The following LTV1 variants were observed in gnomAD, a reference collection of about 807,000 sequenced individuals.
LTV1 encodes protein LTV1 homolog.
Under a neutral mutation model 59.9 loss-of-function variants are expected in LTV1, and 39 were observed. The observed-to-expected ratio is 0.65, with a 90% CI of 0.50 to 0.85. The LOEUF is 0.85. Among genes scored for constraint, LTV1 ranks in the 40% least tolerant of loss-of-function variants. The probability of loss-of-function intolerance (pLI) is 0.00; values close to 1 mark genes in which losing one functional copy is unlikely to be tolerated. For missense variants in LTV1, 493 were observed against 549.1 expected, an observed-to-expected ratio of 0.90 and a Z score of 1.02; for synonymous variants, 171 against 189.5, an observed-to-expected ratio of 0.90 and a Z score of 0.80.
rs753858250 is a variant in LTV1, at chr6:143,858,002, G to C, written c.790G>C (p.Glu264Gln). ...EQLTLHDERF[E>Q]KFYEQYDDDE... ...GCTGACCCTACATGATGAGAGGTTT[G>C]AGAAGGTAAGGTCCCCACATAAGGG... The change falls in exon 6 of 11, where the codon GAG (glutamate) becomes CAG (glutamine). Residue 264 changes from glutamate (E) to glutamine (Q), a missense_variant. By Grantham distance (29) the Glu-to-Gln change is conservative. Coordinates refer to ENST00000367576, the MANE Select transcript of LTV1 (RefSeq NM_032860.5). The C allele has an allele frequency of 3.1e-6, 5 of 1,613,852 alleles. No individual in the cohort carries two copies. Among genetic ancestry groups the C allele is most frequent in the Non-Finnish European group, 4.2e-6 (5 of 1,180,006 alleles).
At chr6:143,859,794 A>G (rs186569489) in intron 6 of LTV1, among the ~76,000 whole-genome samples, 91 of 152,362 alleles carry the variant, frequency 6.0e-4, no homozygotes, top group Non-Finnish European at 1.1e-3. Flanking sequence ...TTTAGTTTGC[A>G]TAACTAAGGA....
At chr6:143,844,447 T>C in intron 1 of LTV1, 39 bp from the exon 2 acceptor site, 1 of 1,606,090 alleles carries the variant, frequency 6.2e-7, no homozygotes, top group South Asian at 1.1e-5. Flanking sequence ...GTCTTTTTGT[T>C]CTGTTTTAAT....
Position 143,857,577 on chromosome 6 carries a change from A to G in LTV1, c.539+133A>G, listed in dbSNP as rs1777098024. On this transcript the variant is annotated intron_variant, in intron 5 of 10. Transcript: ENST00000367576. The surrounding 1 kb of genome is among the most constrained non-coding windows in gnomAD (Gnocchi z 5.2). ...ATCTGAGACTTCTGTATTTTAGAGC[A>G]GAAAATGTGAGATTCATTGCTTTTC... 9.2e-7 allele frequency: 1 copy of G among 1,083,098 alleles called. No individual in the cohort carries two copies. Among genetic ancestry groups the G allele is most frequent in the Admixed American group, 2.2e-5 (1 of 46,402 alleles). 67.1% of individuals were successfully genotyped at this position (1,083,098 alleles called of 1,614,324 possible). A position where few individuals can be genotyped will look rare whatever the true frequency, so the allele number is the denominator to read the frequency against.
chr6:143,855,519 A>G lies in LTV1; in HGVS notation c.398-1784A>G, dbSNP rs888750996. Among the ~76,000 whole-genome samples the G allele has an allele frequency of 6.6e-6, 1 of 152,144 alleles. No homozygotes were observed. The highest frequency in any genetic ancestry group is 1.5e-5 in the Non-Finnish European group (1 of 68,046). On this transcript the variant is annotated intron_variant, in intron 4 of 10. Coordinates refer to ENST00000367576, the MANE Select transcript of LTV1 (RefSeq NM_032860.5). This position sits in a 1 kb window ranked among gnomAD's most constrained non-coding sequence, Gnocchi z 4.6. ...AGCTGGTTATTTTGCCCATTAGTTT[A>G]TGCAGTTTCTTCTTAGTATCGATGG... is the stretch of plus-strand genomic sequence containing the variant.
At position 143,855,955 on chromosome 6, in the gene LTV1, T is replaced by TGTTCTCTATG. The variant is rs1777069218; in HGVS notation, c.398-1348_398-1347insGTTCTCTATG. On this transcript the variant is annotated intron_variant, in intron 4 of 10. Coordinates refer to ENST00000367576, the MANE Select transcript of LTV1 (RefSeq NM_032860.5). This position sits in a 1 kb window ranked among gnomAD's most constrained non-coding sequence, Gnocchi z 4.6. ...CTCTTCTCGAGGAGTATCTTTGTGGTTCCTGAATTTGAATGTTGGCCTCTC... is the reference window on the plus strand; with the variant it reads ...CTCTTCTCGAGGAGTATCTTTGTGGTGTTCTCTATGTCCTGAATTTGAATGTTGGCCTCTC... Among the ~76,000 whole-genome samples, 1 of 71,636 alleles carries TGTTCTCTATG rather than the reference T, an allele frequency of 1.4e-5. No individual in the cohort carries two copies. The highest frequency in any genetic ancestry group is 2.6e-5 in the Non-Finnish European group (1 of 37,930). 47.0% of individuals were successfully genotyped at this position (71,636 alleles called of 152,430 possible).
chr6:143,854,157 T>G (rs1300128879), intron 4 of LTV1, among the ~76,000 whole-genome samples: 1 of 152,212 alleles, frequency 6.6e-6, no homozygotes, highest in African/African-American at 2.4e-5. Flanking sequence ...GGGATTCCAC[T>G]TCCTCCTGAT....
intron 4 of LTV1, among the ~76,000 whole-genome samples, chr6:143,854,112 T>A (rs112366791): frequency 0.051 from 7,799 of 152,292 alleles, 212 homozygotes; most frequent in South Asian, 0.094. Context: ...AGGCTATTGC[T>A]GCCTCTATTT....
At chr6:143,849,491 T>G (rs1041938208) in intron 3 of LTV1, among the ~76,000 whole-genome samples, 2 of 152,216 alleles carry the variant, frequency 1.3e-5, no homozygotes, top group African/African-American at 2.4e-5. Context: ...GTTTTTGTTC[T>G]TTTGGTAAAA....
rs767463415 is a variant in LTV1, at chr6:143,863,450, G to C, written c.1351G>C (p.Ala451Pro). 1 of 1,613,748 alleles carries C rather than the reference G, an allele frequency of 6.2e-7. No individual in the cohort carries two copies. Among genetic ancestry groups the C allele is most frequent in the South Asian group, 1.1e-5 (1 of 91,072 alleles). ...RRVEKKANKL[A>P]FKLEKRRQEK... The stretch of plus-strand genomic sequence containing the variant: ...AGTGGAGAAGAAAGCTAACAAATTA[G>C]CATTTAAACTGGAGAAAAGAAGGCA... The change falls in exon 11 of 11, where the codon GCA (alanine) becomes CCA (proline). Residue 451 changes from alanine (A) to proline (P), a missense_variant. Ala to Pro is a conservative substitution (Grantham distance 27). Coordinates refer to ENST00000367576, the MANE Select transcript of LTV1 (RefSeq NM_032860.5). The surrounding 1 kb of genome is among the most constrained non-coding windows in gnomAD (Gnocchi z 4.5).
At chr6:143,852,036 G>T (rs531326043) in intron 4 of LTV1, among the ~76,000 whole-genome samples, 1 of 152,108 alleles carries the variant, frequency 6.6e-6, no homozygotes. Context: ...ATAAACCTAC[G>T]TGTGCATGTG....
At chr6:143,844,410 C>T in intron 1 of LTV1, 76 bp from the exon 2 acceptor site, 2 of 1,468,076 alleles carry the variant, frequency 1.4e-6, no homozygotes, top group South Asian at 1.2e-5. Flanking sequence ...ACTAAAGATG[C>T]ATGTGTGGAC....
intron 4 of LTV1, among the ~76,000 whole-genome samples, chr6:143,851,239 C>T (rs912819399): frequency 1.4e-4 from 22 of 152,146 alleles, no homozygotes; most frequent in African/African-American, 4.8e-4. Context: ...GAAAGTTTTT[C>T]ATGAACTTGA....
chr6:143,852,806 T>A (rs1180573164), intron 4 of LTV1, among the ~76,000 whole-genome samples: 1 of 152,158 alleles, frequency 6.6e-6, no homozygotes, highest in Non-Finnish European at 1.5e-5. Context: ...GTTTTCCCAA[T>A]GCCATTTATT....
At chr6:143,853,404 TAA>T (rs1777018224) in intron 4 of LTV1, among the ~76,000 whole-genome samples, 1 of 152,208 alleles carries the variant, frequency 6.6e-6, no homozygotes, top group Non-Finnish European at 1.5e-5. Context: ...ACAGTGATGT[TAA>T]TCTGCAAACA....
chr6:143,843,812 C>G (rs1776843612), intron 1 of LTV1, among the ~76,000 whole-genome samples: 1 of 152,182 alleles, frequency 6.6e-6, no homozygotes, highest in Non-Finnish European at 1.5e-5. Context: ...TGGGGTCGAG[C>G]AGAGGGAGCT....
Position 143,846,212 on chromosome 6 carries a change from G to A in LTV1, c.297G>A (p.Thr99=), listed in dbSNP as rs144368219. 442 of 1,609,858 alleles carry A rather than the reference G, an allele frequency of 2.7e-4. 1 individual carries two copies. The highest frequency in any genetic ancestry group is 2.5e-3 in the African/African-American group (187 of 74,820). ...AHNRREEKEE[T]LVIPSTGIKL... ...ACAGGAGAGAGGAGAAAGAAGAAAC[G>A]CTAGTAATTCCAGTAAGGCTTTTCA... The change falls in exon 3 of 11, where the codon ACG becomes ACA. Residue 99 remains threonine (T), a synonymous_variant. Coordinates refer to ENST00000367576, the MANE Select transcript of LTV1 (RefSeq NM_032860.5).
At chr6:143,849,497 T>G (rs1211945463) in intron 3 of LTV1, among the ~76,000 whole-genome samples, 1 of 152,202 alleles carries the variant, frequency 6.6e-6, no homozygotes, top group African/African-American at 2.4e-5. Context: ...GTTCTTTTGG[T>G]AAAACATGGT....
rs1777195284 is a variant in LTV1 at position 143,862,948 on chromosome 6, A to G, written c.1116+52A>G. ...GAAGGATGCAGTGCATAAAAAATAG[A>G]GTGCACATTTTCGCACAATAACTTT... On this transcript the variant is annotated intron_variant, in intron 9 of 10. Coordinates refer to ENST00000367576, the MANE Select transcript of LTV1 (RefSeq NM_032860.5). This position sits in a 1 kb window ranked among gnomAD's most constrained non-coding sequence, Gnocchi z 4.2. 4.1e-6 allele frequency: 6 copies of G among 1,480,072 alleles called. No individual in the cohort carries two copies. Among genetic ancestry groups the G allele is most frequent in the Admixed American group, 1.7e-5 (1 of 59,354 alleles). 91.7% of individuals were successfully genotyped at this position (1,480,072 alleles called of 1,614,324 possible).
chr6:143,861,856 G>C (rs1777169533), intron 7 of LTV1, among the ~76,000 whole-genome samples: 1 of 150,512 alleles, frequency 6.6e-6, no homozygotes, highest in East Asian at 1.9e-4. Context: ...TTCTTAGGAA[G>C]CTGCCTTGGA....
Sources: allele counts gnomAD v4.1 joint callset (sites outside exome capture counted in the v4.1 genomes callset), GRCh38; gene constraint gnomAD v4.1.1; non-coding constraint Gnocchi (gnomAD v3.1); transcripts MANE v1.5; gene names NCBI Gene and HGNC (gene_info 2026-07-23, HGNC 2026-07-21).